The following CWC27 variants were observed in gnomAD, a reference collection of about 807,000 sequenced individuals.
CWC27 encodes the protein spliceosome-associated protein CWC27 homolog.
Under a neutral mutation model 63.6 loss-of-function variants are expected in CWC27, and 47 were observed. That is an observed-to-expected ratio of 0.74 (90% CI 0.58 to 0.94). The LOEUF (loss-of-function observed/expected upper bound fraction) is 0.94. Among genes scored for constraint, CWC27 ranks in the 40% least tolerant of loss-of-function variants. CWC27 has a pLI of 0.00. For missense variants in CWC27, 495 were observed against 554.3 expected, an observed-to-expected ratio of 0.89 and a Z score of 1.07; for synonymous variants, 175 against 179.8, an observed-to-expected ratio of 0.97 and a Z score of 0.22.
chr5:64,770,437 C>A (rs2112132671), intron 1 of CWC27, among the ~76,000 whole-genome samples: 1 of 152,334 alleles, frequency 6.6e-6, no homozygotes, highest in East Asian at 1.9e-4. Flanking sequence ...TCCTGCCAGA[C>A]AGGGCCTTCA....
At chr5:64,832,473 T>G (rs1745550035) in intron 10 of CWC27, among the ~76,000 whole-genome samples, 1 of 151,728 alleles carries the variant, frequency 6.6e-6, no homozygotes. Flanking sequence ...AGTTTGTCAG[T>G]TTTTCTTTCA....
At chr5:64,877,026 T>C (rs1192628705) in intron 10 of CWC27, among the ~76,000 whole-genome samples, 2 of 152,028 alleles carry the variant, frequency 1.3e-5, no homozygotes, top group Non-Finnish European at 2.9e-5. Flanking sequence ...GTATCTCCTG[T>C]TGTATAGAAG....
intron 11 of CWC27, among the ~76,000 whole-genome samples, chr5:64,929,994 G>C (rs944512833): frequency 1.9e-5 from 2 of 105,642 alleles, no homozygotes; most frequent in African/African-American, 6.2e-5. Flanking sequence ...TAAACAAACT[G>C]TGATGTATTC....
At chr5:64,890,549 A>T (rs188954573) in intron 11 of CWC27, among the ~76,000 whole-genome samples, 63 of 149,480 alleles carry the variant, frequency 4.2e-4, no homozygotes, top group Admixed American at 3.3e-3. Flanking sequence ...CTGTTGAGTT[A>T]TTTTTTTTTT....
At chr5:64,810,484 G>A (rs1744843754) in intron 10 of CWC27, among the ~76,000 whole-genome samples, 1 of 151,958 alleles carries the variant, frequency 6.6e-6, no homozygotes, top group South Asian at 2.1e-4. Context: ...ATCACTCTGG[G>A]TAGTATGGAC....
intron 11 of CWC27, among the ~76,000 whole-genome samples, chr5:64,897,310 C>A (rs1277216607): frequency 6.6e-6 from 1 of 152,116 alleles, no homozygotes; most frequent in Non-Finnish European, 1.5e-5. Flanking sequence ...GCACTACTCA[C>A]AATAGCAAAG....
chr5:65,004,889 T>TAC (rs1480937435), intron 13 of CWC27, among the ~76,000 whole-genome samples: 12 of 54,382 alleles, frequency 2.2e-4, no homozygotes, highest in Non-Finnish European at 3.4e-4. Context: ...TATATATATA[T>TAC]ATATATATAT....
chr5:64,771,555 C>G (rs1743255786), intron 1 of CWC27, among the ~76,000 whole-genome samples: 1 of 152,138 alleles, frequency 6.6e-6, no homozygotes, highest in Non-Finnish European at 1.5e-5. Context: ...ATATTATGAT[C>G]ACTTATTCTA....
chr5:64,826,407 C>T (rs1745362133), intron 10 of CWC27, among the ~76,000 whole-genome samples: 3 of 151,960 alleles, frequency 2.0e-5, no homozygotes, highest in African/African-American at 7.3e-5. Context: ...TGTTTTTTGT[C>T]CCATCATATA....
At chr5:64,878,951 G>T (rs1259413015) in intron 10 of CWC27, among the ~76,000 whole-genome samples, 1 of 151,850 alleles carries the variant, frequency 6.6e-6, no homozygotes, top group Non-Finnish European at 1.5e-5. Context: ...CAGGGGAGTA[G>T]AACTGTAGGA....
At chr5:64,811,437 A>G (rs911628928) in intron 10 of CWC27, among the ~76,000 whole-genome samples, 2 of 152,118 alleles carry the variant, frequency 1.3e-5, no homozygotes, top group South Asian at 2.1e-4. Flanking sequence ...TCTATCATCT[A>G]TAATTTTATT....
At chr5:64,788,494 G>A (rs1344292652) in intron 6 of CWC27, among the ~76,000 whole-genome samples, 1 of 151,480 alleles carries the variant, frequency 6.6e-6, no homozygotes, top group East Asian at 1.9e-4. Flanking sequence ...TTTTTTGTCT[G>A]ACAATTTTGT....
chr5:64,788,232 C>G (rs1743951473), intron 6 of CWC27, among the ~76,000 whole-genome samples: 1 of 151,352 alleles, frequency 6.6e-6, no homozygotes, highest in South Asian at 2.1e-4. Context: ...ACTCTAAAGT[C>G]TTTTTTTGGT....
chr5:64,936,328 G>A (rs189919228), intron 11 of CWC27, among the ~76,000 whole-genome samples: 19 of 152,164 alleles, frequency 1.2e-4, no homozygotes, highest in African/African-American at 3.9e-4. Context: ...GAATTTTATC[G>A]AAGGCCTTTT....
rs1580596049 is a variant in CWC27 at position 64,786,592 on chromosome 5, G to A, written c.564G>A (p.Glu188=). The A allele has an allele frequency of 6.3e-7, 1 of 1,586,712 alleles. No homozygotes were observed. Among genetic ancestry groups the A allele is most frequent in the Non-Finnish European group, 8.6e-7 (1 of 1,168,230 alleles). ...AAAGGCTGAAAAAAGAGAAACCAGA[G>A]GAGGAAGTAAAGAAATTGAAACCCA... is the stretch of plus-strand genomic sequence containing the variant. ...EIKRLKKEKP[E]EEVKKLKPKG... is the part of the protein sequence containing the mutation. The change falls in exon 6 of 14, where the codon GAG becomes GAA. Residue 188 remains glutamate, a synonymous_variant. Coordinates refer to ENST00000381070, the MANE Select transcript of CWC27 (RefSeq NM_005869.4).
In CWC27 at chr5:64,847,017, A is replaced by G. The variant is rs1194092585; in HGVS notation, c.939-38426A>G. ...TCAAAAAAAAAAAAAAAAAAGAAAA[A>G]GGAAATGGCAATAGTACATCCTACA... is the stretch of plus-strand genomic sequence containing the variant. On this transcript the variant is annotated intron_variant, in intron 10 of 13. Transcript: ENST00000381070. Among the ~76,000 whole-genome samples the G allele has an allele frequency of 4.0e-5, 6 of 151,786 alleles. No homozygotes were observed. The East Asian group carries it at 1.2e-3, about 29-fold the overall frequency.
intron 11 of CWC27, among the ~76,000 whole-genome samples, chr5:64,920,157 C>G (rs1422787816): frequency 6.6e-6 from 1 of 151,982 alleles, no homozygotes; most frequent in African/African-American, 2.4e-5. Flanking sequence ...TTTGTAGAGA[C>G]AGGGTTTCAC....
At chr5:64,861,903 G>A (rs917324044) in intron 10 of CWC27, among the ~76,000 whole-genome samples, 1 of 152,178 alleles carries the variant, frequency 6.6e-6, no homozygotes, top group African/African-American at 2.4e-5. Context: ...GACTAAATAT[G>A]ATAACGATTT....
chr5:64,942,283 A>G (rs987615960), intron 11 of CWC27, among the ~76,000 whole-genome samples: 1 of 151,770 alleles, frequency 6.6e-6, no homozygotes, highest in Non-Finnish European at 1.5e-5. Flanking sequence ...ATAACAAAAT[A>G]GCCGGGCATG....
Sources: allele counts gnomAD v4.1 joint callset (sites outside exome capture counted in the v4.1 genomes callset), GRCh38; gene constraint gnomAD v4.1.1; transcripts MANE v1.5; gene names NCBI Gene and HGNC (gene_info 2026-07-23, HGNC 2026-07-21).